COL6A6: variants seen among roughly 807,000 people sequenced by gnomAD.
The protein encoded by COL6A6 is collagen alpha-6(VI) chain.
Under a neutral mutation model 208.6 loss-of-function variants are expected in COL6A6, and 183 were observed. The observed-to-expected ratio is 0.88, with a 90% CI of 0.78 to 0.99. The LOEUF (loss-of-function observed/expected upper bound fraction) is 0.99, where lower values mean the gene tolerates loss of function less well. Ranked by LOEUF, COL6A6 falls within the 50% of genes least tolerant of loss-of-function variation. The probability of loss-of-function intolerance (pLI) is 0.00; values close to 1 mark genes in which losing one functional copy is unlikely to be tolerated. For missense variants in COL6A6, 2,816 were observed against 2,815.2 expected (o/e 1.00, Z -0.01); for synonymous variants, 973 against 1,011.8 (o/e 0.96, Z 0.73).
In COL6A6 at chr3:130,635,735, G is replaced by T; in HGVS notation, c.5065G>T (p.Gly1689Trp). ...GGACCCTGGTGGTCCAGGAGAGACT[G>T]GGCTGAAGGGAGCTAGAGGCAAAAT... ...IGDPGGPGET[G>W]LKGARGKMIS... The change falls in exon 28 of 37, where the codon GGG (glycine) becomes TGG (tryptophan). Residue 1689 changes from glycine (G) to tryptophan (W), a missense_variant. By Grantham distance (184) the Gly-to-Trp change is radical. Transcript: ENST00000358511. The T allele has an allele frequency of 1.9e-6, 3 of 1,612,516 alleles. No individual in the cohort carries two copies. Among genetic ancestry groups the T allele is most frequent in the Non-Finnish European group, 2.5e-6 (3 of 1,178,750 alleles).
At chr3:130,655,236 G>T (rs2065756254) in intron 33 of COL6A6, among the ~76,000 whole-genome samples, 1 of 152,012 alleles carries the variant, frequency 6.6e-6, no homozygotes, top group Admixed American at 6.6e-5. Flanking sequence ...CTTTCCCACG[G>T]TGGCCACTGT....
intron 31 of COL6A6, among the ~76,000 whole-genome samples, chr3:130,644,297 G>A (rs2065404163): frequency 6.6e-6 from 1 of 152,182 alleles, no homozygotes; most frequent in South Asian, 2.1e-4. Flanking sequence ...AGAAGTTTCT[G>A]CAGTGATGGA....
chr3:130,607,586 C>A (rs2064222683), intron 21 of COL6A6, among the ~76,000 whole-genome samples: 2 of 151,964 alleles, frequency 1.3e-5, no homozygotes, highest in African/African-American at 4.8e-5. Flanking sequence ...AGATAAAAAG[C>A]ATCTTAAAAA....
chr3:130,645,083 T>G (rs969300208), intron 32 of COL6A6, 81 bp downstream of exon 32: 2 of 1,370,854 alleles, frequency 1.5e-6, no homozygotes, highest in African/African-American at 2.9e-5. Flanking sequence ...GAGCAATGTA[T>G]TGGCTTCCAA....
chr3:130,608,860 T>C (rs760895046), intron 21 of COL6A6, 42 bp from the exon 22 acceptor site: 1 of 1,515,664 alleles, frequency 6.6e-7, no homozygotes, highest in Non-Finnish European at 9.0e-7. Flanking sequence ...AGACAAAATG[T>C]TCAGGAAACA....
chr3:130,586,737 A>G (rs2063551052), intron 11 of COL6A6, 77 bp downstream of exon 11: 3 of 1,380,694 alleles, frequency 2.2e-6, no homozygotes, highest in South Asian at 1.5e-5. Flanking sequence ...ATGCTTAAGA[A>G]TTTGAACTTA....
At chr3:130,588,226 A>G (rs1027126600) in intron 11 of COL6A6, among the ~76,000 whole-genome samples, 1 of 152,250 alleles carries the variant, frequency 6.6e-6, no homozygotes, top group Non-Finnish European at 1.5e-5. Context: ...GAAAATTGCT[A>G]AATGACTATA....
chr3:130,634,305 C>T (rs1036523058), intron 26 of COL6A6, among the ~76,000 whole-genome samples: 4 of 148,002 alleles, frequency 2.7e-5, no homozygotes, highest in Non-Finnish European at 6.0e-5. Flanking sequence ...ACCACCTATG[C>T]GGTTATATGC....
intron 33 of COL6A6, among the ~76,000 whole-genome samples, chr3:130,654,576 A>G (rs2065736604): frequency 6.6e-6 from 1 of 152,240 alleles, no homozygotes; most frequent in African/African-American, 2.4e-5. Flanking sequence ...ACCCATATAC[A>G]CACATCCTAA....
chr3:130,577,152 A>T, intron 8 of COL6A6, among the ~76,000 whole-genome samples: 1 of 152,290 alleles, frequency 6.6e-6, no homozygotes, highest in East Asian at 1.9e-4. Context: ...TAAATGTACT[A>T]TCTCACTCAA....
chr3:130,652,322 T>TG (rs1252069741), intron 33 of COL6A6, among the ~76,000 whole-genome samples: 68 of 152,340 alleles, frequency 4.5e-4, no homozygotes, highest in African/African-American at 1.5e-3. Context: ...GTGTTTCTCG[T>TG]GGAGAGGTAC....
chr3:130,578,083 G>T lies in COL6A6; in HGVS notation c.3548-3478G>T, dbSNP rs72992298. Among the ~76,000 whole-genome samples, 591 of 152,238 alleles carry T rather than the reference G, an allele frequency of 3.9e-3. 1 individual carries two copies. The highest frequency in any genetic ancestry group is 0.013 in the African/African-American group (555 of 41,548). ...ACTGGCTATTCTGTCCACTAGAGGA[G>T]ACTTTGAGCAATTTTTAGGATGTGG... On this transcript the variant is annotated intron_variant, in intron 8 of 36. Transcript: ENST00000358511.
intron 1 of COL6A6, among the ~76,000 whole-genome samples, chr3:130,527,890 C>CTTTTTTTTTTTTTTTTTTTT (rs56110472): frequency 1.9e-4 from 11 of 57,836 alleles, no homozygotes; most frequent in Admixed American, 4.4e-4. Flanking sequence ...GTTACTTTTC[C>CTTTTTTTTTTTTTTTTTTTT]TTTTTTTTTT....
intron 23 of COL6A6, among the ~76,000 whole-genome samples, chr3:130,616,552 G>GA (rs35307177): frequency 0.82 from 98,456 of 120,694 alleles, 40,782 homozygotes; most frequent in Non-Finnish European, 0.88. Context: ...ATCAATGCCT[G>GA]AAAAAAAAAA....
chr3:130,561,846 G>A (rs1194248400), intron 2 of COL6A6, among the ~76,000 whole-genome samples: 2 of 151,314 alleles, frequency 1.3e-5, no homozygotes, highest in Non-Finnish European at 2.9e-5. Context: ...TAGAGACGGG[G>A]TTTCACCTTG....
At position 130,598,268 on chromosome 3, in the gene COL6A6, C is replaced by G. The variant is rs369036600; in HGVS notation, c.4534-97C>G. On this transcript the variant is annotated intron_variant, in intron 18 of 36. Coordinates refer to ENST00000358511, the MANE Select transcript of COL6A6 (RefSeq NM_001102608.3). ...CTGCTTTCAAATGGGTTGGAATTGT[C>G]AACTTCTCGAGAGTTAGCTAAGTGT... 363 of 783,836 alleles carry G rather than the reference C, an allele frequency of 4.6e-4. 4 individuals are homozygous for G. In the South Asian group the frequency reaches 6.5e-3, roughly 14 times the overall value. The allele number at this position is 783,836 out of a possible 1,614,324, so 48.6% of individuals were successfully genotyped here. A position where few individuals can be genotyped will look rare whatever the true frequency, so the allele number is the denominator to read the frequency against.
chr3:130,533,954 C>CT (rs1419399609), intron 1 of COL6A6, among the ~76,000 whole-genome samples: 1 of 152,152 alleles, frequency 6.6e-6, no homozygotes, highest in African/African-American at 2.4e-5. Context: ...CCAGTTTAAT[C>CT]TTTTTTAACC....
chr3:130,647,670 G>T (rs1279935542), intron 32 of COL6A6, among the ~76,000 whole-genome samples: 1 of 152,248 alleles, frequency 6.6e-6, no homozygotes, highest in African/African-American at 2.4e-5. Flanking sequence ...GCAAGGCCCA[G>T]TTGGCCCATG....
intron 1 of COL6A6, among the ~76,000 whole-genome samples, chr3:130,524,843 T>C (rs2061926257): frequency 6.6e-6 from 1 of 152,124 alleles, no homozygotes; most frequent in Admixed American, 6.5e-5. Context: ...AGAAAGGAGA[T>C]GTGCGCTGTG....
Sources: gnomAD v4.1 joint callset for allele counts (sites outside exome capture counted in the v4.1 genomes callset) on GRCh38, gnomAD v4.1.1 for gene constraint, MANE v1.5 for transcripts, NCBI Gene and HGNC (gene_info 2026-07-23, HGNC 2026-07-21) for gene names.